Variants in VAV1 observed in about 807,000 individuals in gnomAD.
The protein encoded by VAV1 is proto-oncogene vav.
VAV1 carries 33 observed loss-of-function variants against 128.1 expected under a neutral mutation model. That is an observed-to-expected ratio of 0.26 (90% CI 0.20 to 0.34). The LOEUF (loss-of-function observed/expected upper bound fraction) is 0.34, where lower values mean the gene tolerates loss of function less well. Ranked by LOEUF, VAV1 falls within the 10% of genes least tolerant of loss-of-function variation. The pLI is 1.00. For synonymous variants in VAV1, 394 were observed against 409.8 expected (o/e 0.96, Z 0.47); for missense variants, 715 against 1,093.7 (o/e 0.65, Z 4.88).
chr19:6,821,097 G>A (rs1971771086), intron 2 of VAV1, among the ~76,000 whole-genome samples: 1 of 152,154 alleles, frequency 6.6e-6, no homozygotes, highest in South Asian at 2.1e-4. Flanking sequence ...GAGTGGCTAT[G>A]AGGATTAAAT....
At chr19:6,773,499 C>A (rs1970549347) in intron 1 of VAV1, among the ~76,000 whole-genome samples, 1 of 152,192 alleles carries the variant, frequency 6.6e-6, no homozygotes, top group Non-Finnish European at 1.5e-5. Context: ...CCCCTTACAT[C>A]TTCCTTCCCC....
intron 1 of VAV1, among the ~76,000 whole-genome samples, chr19:6,802,272 A>G (rs1240484408): frequency 2.0e-5 from 3 of 152,134 alleles, no homozygotes; most frequent in Non-Finnish European, 4.4e-5. Context: ...GCACACCAAC[A>G]TGACACATGT....
At position 6,850,657 on chromosome 19, in the gene VAV1, C is replaced by T. The variant is rs1357590699; in HGVS notation, c.2130-13C>T. On this transcript the variant is annotated splice_polypyrimidine_tract_variant and intron_variant, in intron 23 of 26. Coordinates refer to ENST00000602142, the MANE Select transcript of VAV1 (RefSeq NM_005428.4). The stretch of plus-strand genomic sequence containing the variant: ...GTCCCCAGACTCAGGGCCCGGTGAC[C>T]ATCTGGTTCCAGATATAACGTCGAG... The T allele has an allele frequency of 6.2e-7, 1 of 1,613,458 alleles. No homozygotes were observed. The highest frequency in any genetic ancestry group is 8.5e-7 in the Non-Finnish European group (1 of 1,179,612).
intron 22 of VAV1, 144 bp from the exon 23 acceptor site, chr19:6,847,854 C>T: frequency 1.6e-6 from 1 of 641,050 alleles, no homozygotes; most frequent in East Asian, 3.3e-5. Flanking sequence ...CGGGGCCTAC[C>T]TTGGTGCTGA....
In VAV1 at chr19:6,785,380, G is replaced by A. The variant is rs922650252; in HGVS notation, c.204+12369G>A. ...GGGGTCTCTGTCTATTGTCCAGGCT[G>A]GAGTGCAGTGACATGATCTCAGCTC... On this transcript the variant is annotated intron_variant, in intron 1 of 26. Coordinates refer to ENST00000602142, the MANE Select transcript of VAV1 (RefSeq NM_005428.4). 9.2e-5 allele frequency among the ~76,000 whole-genome samples: 14 copies of A among 152,096 alleles called. No individual in the cohort carries two copies. In the East Asian group the frequency reaches 2.7e-3, roughly 29 times the overall value.
In VAV1 at chr19:6,820,433, AT is replaced by A. The variant is rs1265231880; in HGVS notation, c.205-268del. 1.3e-5 allele frequency among the ~76,000 whole-genome samples: 2 copies of A among 152,192 alleles called. No individual in the cohort carries two copies. The highest frequency in any genetic ancestry group is 2.4e-5 in the African/African-American group (1 of 41,452). ...GTGCTTCATTCCTTTTTATGGCTGA[AT>A]AATATTCCATTGTATGGATATACCA... On this transcript the variant is annotated intron_variant, in intron 1 of 26. Transcript: ENST00000602142. This position sits in a 1 kb window ranked among gnomAD's most constrained non-coding sequence, Gnocchi z 4.4.
At position 6,779,240 on chromosome 19, in the gene VAV1, T is replaced by C. The variant is rs910367854; in HGVS notation, c.204+6229T>C. ...GCTAATTTTTTATTTTTTGTAGAGA[T>C]GGGGTTTTGCTATGATGCCCAGGCT... On this transcript the variant is annotated intron_variant, in intron 1 of 26. Coordinates refer to ENST00000602142, the MANE Select transcript of VAV1 (RefSeq NM_005428.4). 3.8e-4 allele frequency among the ~76,000 whole-genome samples: 58 copies of C among 150,676 alleles called. 5 individuals carry two copies. The highest frequency in any genetic ancestry group is 4.8e-5 in the African/African-American group (2 of 41,320).
In VAV1 at chr19:6,826,982, G is replaced by A; in HGVS notation, c.927+271G>A. 2.0e-6 allele frequency: 1 copy of A among 503,994 alleles called. No individual in the cohort carries two copies. The highest frequency in any genetic ancestry group is 3.6e-6 in the Non-Finnish European group (1 of 275,126). The allele number at this position is 503,994 out of a possible 1,614,324, so 31.2% of individuals were successfully genotyped here. ...TGATCTCACACTCAACCCCAGCCCT[G>A]GGCTGAGCCCTAGCACTGATTGTAC... On this transcript the variant is annotated intron_variant, in intron 9 of 26. Transcript: ENST00000602142. The surrounding 1 kb of genome is among the most constrained non-coding windows in gnomAD (Gnocchi z 4.1).
intron 1 of VAV1, among the ~76,000 whole-genome samples, chr19:6,790,343 G>T (rs1350589445): frequency 6.6e-6 from 1 of 152,306 alleles, no homozygotes; most frequent in East Asian, 1.9e-4. Flanking sequence ...CCTCTTGAGG[G>T]AGGGGGTGGT....
intron 23 of VAV1, among the ~76,000 whole-genome samples, chr19:6,848,932 T>C (rs1972595774): frequency 6.6e-6 from 1 of 151,806 alleles, no homozygotes; most frequent in African/African-American, 2.4e-5. Context: ...TGGCTGGGAC[T>C]ATAGGTGTGC....
In VAV1 at chr19:6,820,959, G is replaced by C; in HGVS notation, c.321+141G>C. 1 of 767,928 alleles carries C rather than the reference G, an allele frequency of 1.3e-6. No homozygotes were observed. The highest frequency in any genetic ancestry group is 1.6e-5 in the South Asian group (1 of 62,558). The allele number at this position is 767,928 out of a possible 1,614,324, so 47.6% of individuals were successfully genotyped here. ...ACAAGACGCAAATAGCACTGGCTTG[G>C]GATATGTGGAACTGGGTTTGAGTTC... On this transcript the variant is annotated intron_variant, in intron 2 of 26. Coordinates refer to ENST00000602142, the MANE Select transcript of VAV1 (RefSeq NM_005428.4). This position sits in a 1 kb window ranked among gnomAD's most constrained non-coding sequence, Gnocchi z 4.4.
In VAV1 at chr19:6,822,584, T is replaced by G; in HGVS notation, c.654+70T>G. 1 of 1,390,330 alleles carries G rather than the reference T, an allele frequency of 7.2e-7. No individual in the cohort carries two copies. The allele number at this position is 1,390,330 out of a possible 1,614,324, so 86.1% of individuals were successfully genotyped here. On this transcript the variant is annotated intron_variant, in intron 6 of 26. Coordinates refer to ENST00000602142, the MANE Select transcript of VAV1 (RefSeq NM_005428.4). This position sits in a 1 kb window ranked among gnomAD's most constrained non-coding sequence, Gnocchi z 5.9. Reference sequence around the variant, plus strand: ...CTGGGCCGGCAGGTGCACGTCCACCTGTCCGGCCGCTCTGGGCAGCTGAGG... The same window carrying G: ...CTGGGCCGGCAGGTGCACGTCCACCGGTCCGGCCGCTCTGGGCAGCTGAGG...
intron 1 of VAV1, chr19:6,816,560 G>A (rs997102320): frequency 1.5e-5 from 2 of 134,156 alleles, no homozygotes; most frequent in East Asian, 2.1e-4. Flanking sequence ...CAGAACGTGG[G>A]TTCTAGATTC....
chr19:6,805,449 C>G (rs1971371944), intron 1 of VAV1, among the ~76,000 whole-genome samples: 1 of 151,146 alleles, frequency 6.6e-6, no homozygotes, highest in Admixed American at 6.6e-5. Context: ...AAAACAAAAA[C>G]AAAGAAAATA....
chr19:6,850,726 T>C lies in VAV1; in HGVS notation c.2186T>C (p.Ile729Thr). Reference sequence around the variant, plus strand: ...ATGACAGCAGAAGGACTGTACCGGATCACAGAGAAAAAGGCTTTCCGGGGG... The same window carrying C: ...ATGACAGCAGAAGGACTGTACCGGACCACAGAGAAAAAGGCTTTCCGGGGG... ...KIMTAEGLYR[I>T]TEKKAFRGLT... The change falls in exon 24 of 27, where the codon ATC (isoleucine) becomes ACC (threonine). Residue 729 changes from isoleucine to threonine, a missense_variant. Ile to Thr is a moderately conservative substitution (Grantham distance 89). This residue lies in a region of VAV1 where 407 missense variants were observed against 580.6 expected (regional missense o/e 0.70). Transcript: ENST00000602142. 1 of 1,613,986 alleles carries C rather than the reference T, an allele frequency of 6.2e-7. No individual in the cohort carries two copies. Among genetic ancestry groups the C allele is most frequent in the African/African-American group, 1.3e-5 (1 of 74,978 alleles).
chr19:6,816,887 C>T (rs1240367699), intron 1 of VAV1, among the ~76,000 whole-genome samples: 3 of 151,832 alleles, frequency 2.0e-5, no homozygotes, highest in African/African-American at 7.2e-5. Flanking sequence ...CCGCTTGAAC[C>T]TGGGAGGTGG....
intron 1 of VAV1, among the ~76,000 whole-genome samples, chr19:6,814,112 G>A (rs762974066): frequency 3.3e-5 from 5 of 152,080 alleles, no homozygotes; most frequent in Non-Finnish European, 7.4e-5. Context: ...ACTGAGTCTT[G>A]CTAGAAAGGA....
chr19:6,814,813 G>A lies in VAV1; in HGVS notation c.205-5889G>A, dbSNP rs893444605. Among the ~76,000 whole-genome samples, 7 of 150,624 alleles carry A rather than the reference G, an allele frequency of 4.6e-5. No individual in the cohort carries two copies. The East Asian group carries it at 5.8e-4, about 13-fold the overall frequency. ...AATAGAAATGGTGATAGCAGGTTCC[G>A]TTGCGTAGTTCTGATTTCAAAGGGA... On this transcript the variant is annotated intron_variant, in intron 1 of 26. Transcript: ENST00000602142.
intron 1 of VAV1, among the ~76,000 whole-genome samples, chr19:6,781,703 G>A (rs1970769927): frequency 6.6e-6 from 1 of 151,826 alleles, no homozygotes; most frequent in South Asian, 2.1e-4. Flanking sequence ...CGCCTCCCAG[G>A]TTCAAGTGAT....
Sources: gnomAD v4.1 joint callset for allele counts (sites outside exome capture counted in the v4.1 genomes callset) on GRCh38, gnomAD v4.1.1 for gene constraint, gnomAD v4.1.1 regional missense constraint, Gnocchi (gnomAD v3.1) non-coding constraint, MANE v1.5 for transcripts, NCBI Gene and HGNC (gene_info 2026-07-23, HGNC 2026-07-21) for gene names.